ETFA: variants seen among roughly 807,000 people sequenced by gnomAD.
The protein encoded by ETFA is electron transfer flavoprotein subunit alpha.
ETFA carries 22 observed loss-of-function variants against 46.2 expected under a neutral mutation model. That is an observed-to-expected ratio of 0.48 (90% CI 0.34 to 0.68). The LOEUF is 0.68. ETFA is among the 30% of genes least tolerant of loss of function. ETFA has a pLI of 0.01. For missense variants in ETFA, 345 were observed against 401.1 expected (o/e 0.86, Z 1.19); for synonymous variants, 131 against 139.9 (o/e 0.94, Z 0.45).
chr15:76,254,065 G>A (rs936066547), intron 9 of ETFA, among the ~76,000 whole-genome samples: 2 of 152,206 alleles, frequency 1.3e-5, no homozygotes, highest in African/African-American at 4.8e-5. Flanking sequence ...ACATTGAAAT[G>A]AGCCCAGCAT....
chr15:76,286,317 C>T (rs1012355371), intron 6 of ETFA, 54 bp downstream of exon 6: 2 of 952,796 alleles, frequency 2.1e-6, no homozygotes, highest in Non-Finnish European at 3.3e-6. Flanking sequence ...ATAATACAGT[C>T]TATGAATTAA....
intron 9 of ETFA, chr15:76,260,499 C>T (rs1274932205): frequency 6.5e-7 from 1 of 1,531,144 alleles, no homozygotes; most frequent in African/African-American, 1.4e-5. Context: ...ACTCCAGGGT[C>T]CACAGCCAAC....
chr15:76,262,225 A>G (rs1354869803), intron 9 of ETFA, among the ~76,000 whole-genome samples: 1 of 152,096 alleles, frequency 6.6e-6, no homozygotes, highest in African/African-American at 2.4e-5. Context: ...GCTATAGAGT[A>G]GGGAAAAAAA....
intron 4 of ETFA, among the ~76,000 whole-genome samples, chr15:76,291,606 C>T (rs2460150): frequency 0.98 from 148,539 of 151,788 alleles, 72,761 homozygotes; most frequent in South Asian, 1. Flanking sequence ...AAAAATTAGC[C>T]GGGCGAGCTG....
At chr15:76,220,741 G>T (rs183404088) in intron 11 of ETFA, among the ~76,000 whole-genome samples, 46 of 152,242 alleles carry the variant, frequency 3.0e-4, no homozygotes, top group South Asian at 1.7e-3. Context: ...AATGTCATTT[G>T]CCATCAGGGA....
intron 1 of ETFA, among the ~76,000 whole-genome samples, chr15:76,309,312 G>A (rs974217987): frequency 1.3e-5 from 2 of 152,264 alleles, no homozygotes; most frequent in Middle Eastern, 3.4e-3. Flanking sequence ...TTAGCGGGGC[G>A]TGGTGGCGGG....
intron 1 of ETFA, among the ~76,000 whole-genome samples, chr15:76,297,133 C>T (rs1212263299): frequency 3.3e-5 from 5 of 152,062 alleles, no homozygotes; most frequent in Non-Finnish European, 7.4e-5. Context: ...TGGAATTTAC[C>T]CAGAGCTGGA....
intron 9 of ETFA, among the ~76,000 whole-genome samples, chr15:76,242,671 G>A (rs1330510011): frequency 1.3e-5 from 2 of 152,188 alleles, no homozygotes; most frequent in East Asian, 1.9e-4. Context: ...CAGATGAATG[G>A]ATAAGCAAAA....
chr15:76,240,389 G>GCCTA (rs1169552620), intron 9 of ETFA, among the ~76,000 whole-genome samples: 1 of 152,138 alleles, frequency 6.6e-6, no homozygotes, highest in Non-Finnish European at 1.5e-5. Flanking sequence ...CTTTTAATCA[G>GCCTA]CCTACCTTTT....
chr15:76,267,529 C>CTT (rs1215248030), intron 9 of ETFA, among the ~76,000 whole-genome samples: 2 of 151,710 alleles, frequency 1.3e-5, no homozygotes, highest in African/African-American at 4.8e-5. Flanking sequence ...TCAAAAAGCC[C>CTT]CCACTGGAGC....
Position 76,311,337 on chromosome 15 carries a change from A to C in ETFA, c.39+13T>G, listed in dbSNP as rs2141564479. The C allele has an allele frequency of 6.4e-7, 1 of 1,555,762 alleles. No individual in the cohort carries two copies. The highest frequency in any genetic ancestry group is 8.7e-7 in the Non-Finnish European group (1 of 1,150,232). On this transcript the variant is annotated intron_variant, in intron 1 of 11. Coordinates refer to ENST00000557943, the MANE Select transcript of ETFA (RefSeq NM_000126.4). ...GGGCCGTCCCTGGGTTCGCCTTCCC[A>C]GTCCGGACTCACCGCCCGCCGGAGC...
At chr15:76,234,604 AAAG>A (rs1397406902) in intron 9 of ETFA, among the ~76,000 whole-genome samples, 2 of 152,126 alleles carry the variant, frequency 1.3e-5, no homozygotes, top group South Asian at 2.1e-4. Context: ...ACAGAAACAG[AAAG>A]AAGGAGGGAG....
At chr15:76,263,006 C>T (rs113553126) in intron 9 of ETFA, among the ~76,000 whole-genome samples, 71 of 152,238 alleles carry the variant, frequency 4.7e-4, no homozygotes, top group African/African-American at 1.6e-3. Context: ...GCCTTTGGAA[C>T]ATGTCTAAAC....
At chr15:76,305,168 G>C (rs2039928270) in intron 1 of ETFA, among the ~76,000 whole-genome samples, 1 of 152,130 alleles carries the variant, frequency 6.6e-6, no homozygotes, top group Non-Finnish European at 1.5e-5. Flanking sequence ...GTGTTTTCCA[G>C]TCCTCTAACA....
chr15:76,292,763 C>T (rs2039780187), intron 2 of ETFA, 63 bp from the exon 3 acceptor site: 2 of 1,069,912 alleles, frequency 1.9e-6, no homozygotes, highest in Non-Finnish European at 2.9e-6. Flanking sequence ...AAAGCCACCA[C>T]TATAAATATC....
intron 9 of ETFA, among the ~76,000 whole-genome samples, chr15:76,252,915 T>C (rs2141484304): frequency 6.7e-6 from 1 of 149,210 alleles, no homozygotes; most frequent in African/African-American, 2.6e-5. Context: ...TTTTTTTTTT[T>C]TTAAAGAGAT....
At chr15:76,297,792 T>C (rs1246692675) in intron 1 of ETFA, among the ~76,000 whole-genome samples, 1 of 152,218 alleles carries the variant, frequency 6.6e-6, no homozygotes, top group Non-Finnish European at 1.5e-5. Flanking sequence ...ATATACATCA[T>C]AAAGGTACTC....
intron 9 of ETFA, among the ~76,000 whole-genome samples, chr15:76,239,105 C>T (rs976759017): frequency 2.6e-5 from 4 of 152,146 alleles, no homozygotes; most frequent in Non-Finnish European, 5.9e-5. Context: ...GTACTTTATA[C>T]ACACGACCTC....
intron 8 of ETFA, among the ~76,000 whole-genome samples, chr15:76,279,459 T>A (rs1040267434): frequency 1.3e-5 from 2 of 152,150 alleles, no homozygotes; most frequent in Non-Finnish European, 2.9e-5. Flanking sequence ...ATATTGTTTG[T>A]AGAGACGGGG....
Sources: gnomAD v4.1 joint callset for allele counts (sites outside exome capture counted in the v4.1 genomes callset) on GRCh38, gnomAD v4.1.1 for gene constraint, MANE v1.5 for transcripts, NCBI Gene and HGNC (gene_info 2026-07-23, HGNC 2026-07-21) for gene names.